The following KIAA1217 variants were observed in gnomAD, a reference collection of about 807,000 sequenced individuals.
KIAA1217 encodes the protein KIAA1217.
A neutral mutation model predicts 163.9 loss-of-function variants in KIAA1217; 88 were observed. That is an observed-to-expected ratio of 0.54 (90% CI 0.45 to 0.64). KIAA1217 has a LOEUF of 0.64. KIAA1217 is among the 30% of genes least tolerant of loss of function. The pLI is 0.00. For missense variants in KIAA1217, 2,372 were observed against 2,475.0 expected (o/e 0.96, Z 0.88); for synonymous variants, 903 against 923.1 (o/e 0.98, Z 0.39).
At chr10:24,015,583 G>A (rs11599637) in intron 2 of KIAA1217, among the ~76,000 whole-genome samples, 15,445 of 151,584 alleles carry the variant, frequency 0.1, 900 homozygotes, top group African/African-American at 0.16. Context: ...TGGTAAAACC[G>A]CATCTCTACT....
At chr10:24,306,709 C>T (rs2042040161) in intron 2 of KIAA1217, among the ~76,000 whole-genome samples, 1 of 152,224 alleles carries the variant, frequency 6.6e-6, no homozygotes, top group Non-Finnish European at 1.5e-5. Flanking sequence ...ATAAAAATAA[C>T]TCAGCTTTAG....
chr10:24,199,778 G>A (rs1052668161), intron 2 of KIAA1217, among the ~76,000 whole-genome samples: 1 of 152,110 alleles, frequency 6.6e-6, no homozygotes, highest in Non-Finnish European at 1.5e-5. Flanking sequence ...CCACGTGAAT[G>A]TCCTGATTTT....
At chr10:24,530,739 A>G (rs995115652) in intron 14 of KIAA1217, among the ~76,000 whole-genome samples, 1 of 152,116 alleles carries the variant, frequency 6.6e-6, no homozygotes, top group Non-Finnish European at 1.5e-5. Flanking sequence ...TCTTTACAAA[A>G]ATTAAAAAAT....
intron 2 of KIAA1217, chr10:24,158,524 A>C: frequency 1.9e-6 from 1 of 516,952 alleles, no homozygotes; most frequent in Middle Eastern, 3.2e-4. Flanking sequence ...GAGGATTTTT[A>C]GAGAATTCAT....
At chr10:24,327,117 T>C (rs2045025013) in intron 2 of KIAA1217, among the ~76,000 whole-genome samples, 1 of 152,250 alleles carries the variant, frequency 6.6e-6, no homozygotes. Context: ...TTAGAATGGA[T>C]GCAAGCTTGC....
At chr10:24,504,706 T>G (rs140159067) in intron 9 of KIAA1217, among the ~76,000 whole-genome samples, 29 of 152,368 alleles carry the variant, frequency 1.9e-4, no homozygotes, top group African/African-American at 6.7e-4. Flanking sequence ...AAACCATTTG[T>G]GCTTGGCAGC....
intron 2 of KIAA1217, among the ~76,000 whole-genome samples, chr10:24,048,242 T>A (rs1158174483): frequency 6.6e-6 from 1 of 152,210 alleles, no homozygotes; most frequent in Non-Finnish European, 1.5e-5. Flanking sequence ...ACATTTCTCC[T>A]CATACTTTTG....
rs1453922331 is a variant in KIAA1217 at position 24,528,073 on chromosome 10, C to T, written c.3036C>T (p.Gly1012=). The change falls in exon 14 of 21, where the codon GGC becomes GGT. Residue 1012 remains glycine (G), a synonymous_variant. Coordinates refer to ENST00000376454, the MANE Select transcript of KIAA1217 (RefSeq NM_019590.5). ...ATCTGGAGATGCCGCCAGCCACAGG[C>T]CCACTGCCAAGGGGAGATGCCCCAG... ...IPNLEMPPAT[G]PLPRGDAPVD... is the part of the protein sequence containing the mutation. 1 of 1,614,116 alleles carries T rather than the reference C, an allele frequency of 6.2e-7. No homozygotes were observed. The highest frequency in any genetic ancestry group is 2.2e-5 in the East Asian group (1 of 44,868).
chr10:24,355,441 C>G (rs1279936199), intron 2 of KIAA1217, among the ~76,000 whole-genome samples: 1 of 152,156 alleles, frequency 6.6e-6, no homozygotes, highest in Admixed American at 6.5e-5. Context: ...TGGTAGACCT[C>G]TGTCTTCTTG....
At position 24,542,932 on chromosome 10, in the gene KIAA1217, G is replaced by A. The variant is rs2075298208; in HGVS notation, c.3662G>A (p.Gly1221Glu). The A allele has an allele frequency of 6.2e-7, 1 of 1,613,278 alleles. No individual in the cohort carries two copies. Among genetic ancestry groups the A allele is most frequent in the South Asian group, 1.1e-5 (1 of 90,964 alleles). Residue 1221 changes from glycine to glutamate, a missense_variant, in exon 19 of 21, where the codon GGA becomes GAA. This residue lies in a region of KIAA1217 where 251 missense variants were observed against 327.3 expected (regional missense o/e 0.77). Coordinates refer to ENST00000376454, the MANE Select transcript of KIAA1217 (RefSeq NM_019590.5). ...RPSDPPKWER[G>E]MENSISDASR... ...AGTGACCCTCCTAAGTGGGAAAGAG[G>A]AATGGAGAATAGTATTTCTGATGCA...
At chr10:23,818,350 AAATAT>A (rs1240412794) in intron 1 of KIAA1217, among the ~76,000 whole-genome samples, 2 of 126,986 alleles carry the variant, frequency 1.6e-5, no homozygotes, top group African/African-American at 6.5e-5. Context: ...ATATATAAAA[AAATAT>A]ATATATATAT....
intron 1 of KIAA1217, among the ~76,000 whole-genome samples, chr10:23,848,495 A>G (rs1001046709): frequency 9.2e-5 from 14 of 152,028 alleles, no homozygotes; most frequent in African/African-American, 3.1e-4. Flanking sequence ...TTACATGTCA[A>G]AACCTTTAAA....
chr10:24,403,091 G>GA (rs1214229325), intron 3 of KIAA1217, among the ~76,000 whole-genome samples: 5 of 152,082 alleles, frequency 3.3e-5, no homozygotes, highest in Non-Finnish European at 5.9e-5. Flanking sequence ...ATGTAAAATG[G>GA]AAAACCATAC....
intron 3 of KIAA1217, among the ~76,000 whole-genome samples, chr10:24,393,976 A>G (rs2055357903): frequency 6.6e-6 from 1 of 152,194 alleles, no homozygotes; most frequent in African/African-American, 2.4e-5. Flanking sequence ...TCACAAACAT[A>G]TTGTGTGTCT....
At position 24,087,391 on chromosome 10, in the gene KIAA1217, T is replaced by C. The variant is rs1165429721; in HGVS notation, c.-171+80017T>C. 2.6e-5 allele frequency among the ~76,000 whole-genome samples: 4 copies of C among 152,218 alleles called. No individual in the cohort carries two copies. In the East Asian group the frequency reaches 7.7e-4, roughly 29 times the overall value. Reference sequence around the variant, plus strand: ...TTAAGCTTTCTTCTGCAACCATATGTACGGTGTCATTGGTTTACTAAGAAA... The same window carrying C: ...TTAAGCTTTCTTCTGCAACCATATGCACGGTGTCATTGGTTTACTAAGAAA... On this transcript the variant is annotated intron_variant, in intron 2 of 18. Coordinates refer to the KIAA1217 transcript ENST00000376462.
intron 2 of KIAA1217, among the ~76,000 whole-genome samples, chr10:24,084,203 A>G (rs2061622799): frequency 1.3e-5 from 2 of 152,186 alleles, no homozygotes; most frequent in African/African-American, 2.4e-5. Flanking sequence ...TCTTTGTGCT[A>G]TATTTTGACA....
intron 2 of KIAA1217, among the ~76,000 whole-genome samples, chr10:24,161,328 T>C (rs1564772954): frequency 6.6e-6 from 1 of 152,188 alleles, no homozygotes; most frequent in East Asian, 1.9e-4. Flanking sequence ...ATGGTAATGG[T>C]GGGTTTCAGG....
chr10:24,028,473 G>C (rs1025196674), intron 2 of KIAA1217, among the ~76,000 whole-genome samples: 1 of 151,886 alleles, frequency 6.6e-6, no homozygotes, highest in African/African-American at 2.4e-5. Flanking sequence ...CATTTATGTC[G>C]ACTTTTTCAA....
intron 1 of KIAA1217, among the ~76,000 whole-genome samples, chr10:23,799,062 AT>A (rs1045147634): frequency 1.3e-5 from 2 of 152,002 alleles, no homozygotes; most frequent in African/African-American, 4.8e-5. Context: ...TTGCTGGCAA[AT>A]TTTTGGTGTT....
Sources: allele counts gnomAD v4.1 joint callset (sites outside exome capture counted in the v4.1 genomes callset), GRCh38; gene constraint gnomAD v4.1.1; regional missense constraint gnomAD v4.1.1; transcripts MANE v1.5; gene names NCBI Gene and HGNC (gene_info 2026-07-23, HGNC 2026-07-21).